Variants in RAB3C observed in about 807,000 individuals in gnomAD.
The protein encoded by RAB3C is ras-related protein Rab-3C.
In RAB3C, 17 loss-of-function variants were observed where a neutral mutation model predicts 26.4. The ratio of observed to expected loss-of-function variants is 0.64; its 90% confidence interval spans 0.44 to 0.97. RAB3C has a LOEUF of 0.97. RAB3C is among the 50% of genes least tolerant of loss of function. The probability of loss-of-function intolerance (pLI) is 0.00; values close to 1 mark genes in which losing one functional copy is unlikely to be tolerated. For missense variants in RAB3C, 242 were observed against 281.9 expected (o/e 0.86, Z 1.01); for synonymous variants, 91 against 95.9 (o/e 0.95, Z 0.30).
chr5:58,727,391 A>T (rs768829353), intron 3 of RAB3C, among the ~76,000 whole-genome samples: 1 of 152,050 alleles, frequency 6.6e-6, no homozygotes, highest in Admixed American at 6.6e-5. Flanking sequence ...ATATGAAAAC[A>T]TAAGTATCTT....
chr5:58,595,334 TG>T, intron 1 of RAB3C, among the ~76,000 whole-genome samples: 1 of 152,160 alleles, frequency 6.6e-6, no homozygotes, highest in East Asian at 1.9e-4. Context: ...GACTGGGCAT[TG>T]TAGGGTATAG....
At chr5:58,773,021 A>G (rs78677414) in intron 3 of RAB3C, among the ~76,000 whole-genome samples, 3,679 of 152,276 alleles carry the variant, frequency 0.024, 157 homozygotes, top group African/African-American at 0.084. Flanking sequence ...CTAGAAGCCT[A>G]CATAGATTCT....
Position 58,852,900 on chromosome 5 carries a change from G to A in RAB3C, c.*1549G>A, listed in dbSNP as rs926591292. 2.0e-5 allele frequency: 3 copies of A among 152,072 alleles called. No homozygotes were observed. The highest frequency in any genetic ancestry group is 4.4e-5 in the Non-Finnish European group (3 of 68,028). The allele number at this position is 152,072 out of a possible 1,614,324, so 9.4% of individuals were successfully genotyped here. On this transcript the variant is annotated 3_prime_UTR_variant, in exon 5 of 5. Coordinates refer to ENST00000282878, the MANE Select transcript of RAB3C (RefSeq NM_138453.4). ...AAAAATAGAGAGGCTTCCCATGAAA[G>A]TATTGGATGCAAATGAAACAGGCAT...
chr5:58,760,258 A>G (rs1013458904), intron 3 of RAB3C, among the ~76,000 whole-genome samples: 5 of 152,132 alleles, frequency 3.3e-5, no homozygotes, highest in African/African-American at 1.2e-4. Context: ...CTTGTTGTCT[A>G]CCATGACCAT....
intron 3 of RAB3C, among the ~76,000 whole-genome samples, chr5:58,766,943 T>C (rs1741921651): frequency 6.6e-6 from 1 of 152,046 alleles, no homozygotes. Flanking sequence ...AAGTGAGAAA[T>C]AGACTTCAAG....
At chr5:58,668,855 T>C (rs1766321677) in intron 2 of RAB3C, among the ~76,000 whole-genome samples, 1 of 152,078 alleles carries the variant, frequency 6.6e-6, no homozygotes, top group Non-Finnish European at 1.5e-5. Context: ...CAAAATACCA[T>C]AGACTGGGTG....
At position 58,852,342 on chromosome 5, in the gene RAB3C, C is replaced by T. The variant is rs1579954207; in HGVS notation, c.*991C>T. 1 of 152,154 alleles carries T rather than the reference C, an allele frequency of 6.6e-6. No homozygotes were observed. The highest frequency in any genetic ancestry group is 2.1e-4 in the South Asian group (1 of 4,816). The allele number at this position is 152,154 out of a possible 1,614,324, so 9.4% of individuals were successfully genotyped here. A position where few individuals can be genotyped will look rare whatever the true frequency, so the allele number is the denominator to read the frequency against. On this transcript the variant is annotated 3_prime_UTR_variant, in exon 5 of 5. Coordinates refer to ENST00000282878, the MANE Select transcript of RAB3C (RefSeq NM_138453.4). ...TGAAGCTTGTTAGGGCTCCTCTTTC[C>T]GTAGGATGTAGACTTGCCTCCCCAA...
At chr5:58,614,934 G>T (rs1191099110) in intron 1 of RAB3C, among the ~76,000 whole-genome samples, 7 of 151,944 alleles carry the variant, frequency 4.6e-5, no homozygotes, top group Non-Finnish European at 8.8e-5. Flanking sequence ...TTTACATTGT[G>T]TTAGGTATTA....
At chr5:58,745,064 T>C (rs1741365980) in intron 3 of RAB3C, among the ~76,000 whole-genome samples, 1 of 152,050 alleles carries the variant, frequency 6.6e-6, no homozygotes, top group Non-Finnish European at 1.5e-5. Flanking sequence ...TGTCACCCTC[T>C]GATTTTTAAA....
intron 2 of RAB3C, among the ~76,000 whole-genome samples, chr5:58,705,032 G>A (rs1748916306): frequency 1.3e-5 from 2 of 152,078 alleles, no homozygotes; most frequent in African/African-American, 4.8e-5. Flanking sequence ...CAATTTCACT[G>A]AAGCAAACAG....
intron 3 of RAB3C, among the ~76,000 whole-genome samples, chr5:58,799,415 T>C (rs1742751776): frequency 1.3e-5 from 2 of 152,116 alleles, no homozygotes; most frequent in African/African-American, 4.8e-5. Context: ...TTTTTCAAAA[T>C]GTAAACCAAG....
intron 3 of RAB3C, among the ~76,000 whole-genome samples, chr5:58,743,507 T>C (rs1579893640): frequency 6.6e-6 from 1 of 152,072 alleles, no homozygotes; most frequent in East Asian, 1.9e-4. Context: ...CAACCCATCA[T>C]CTAGGTTTTA....
intron 2 of RAB3C, among the ~76,000 whole-genome samples, chr5:58,632,663 G>A (rs923429517): frequency 3.9e-5 from 6 of 152,132 alleles, no homozygotes; most frequent in African/African-American, 1.4e-4. Flanking sequence ...CCTATTCTTC[G>A]AGTGGCTGTG....
At chr5:58,646,692 G>T (rs1230168120) in intron 2 of RAB3C, among the ~76,000 whole-genome samples, 3 of 152,116 alleles carry the variant, frequency 2.0e-5, no homozygotes, top group Admixed American at 2.0e-4. Flanking sequence ...TTTGCGTGCT[G>T]CCCAGTTTTG....
chr5:58,746,022 A>G (rs1741395949), intron 3 of RAB3C, among the ~76,000 whole-genome samples: 1 of 152,204 alleles, frequency 6.6e-6, no homozygotes, highest in Non-Finnish European at 1.5e-5. Context: ...CTTTTAGCTG[A>G]CTGCTTTGAT....
intron 1 of RAB3C, among the ~76,000 whole-genome samples, chr5:58,588,643 G>C (rs1746062162): frequency 6.6e-6 from 1 of 151,914 alleles, no homozygotes; most frequent in Non-Finnish European, 1.5e-5. Flanking sequence ...TCTCCCAGTT[G>C]GTGGCTTGTA....
At chr5:58,712,104 C>T (rs1247813921) in intron 2 of RAB3C, among the ~76,000 whole-genome samples, 1 of 152,148 alleles carries the variant, frequency 6.6e-6, no homozygotes, top group Non-Finnish European at 1.5e-5. Context: ...CTGCACCAAC[C>T]GTCCCCGTTC....
chr5:58,713,744 G>A (rs1749110573), intron 2 of RAB3C, among the ~76,000 whole-genome samples: 1 of 152,128 alleles, frequency 6.6e-6, no homozygotes, highest in African/African-American at 2.4e-5. Context: ...AAATTAAACA[G>A]GTGCTAGAGG....
intron 1 of RAB3C, among the ~76,000 whole-genome samples, chr5:58,594,477 A>T (rs1267325803): frequency 6.6e-6 from 1 of 152,192 alleles, no homozygotes; most frequent in Non-Finnish European, 1.5e-5. Context: ...TAGCTTTTGA[A>T]TGGAAAGCAG....
Sources: allele counts gnomAD v4.1 joint callset (sites outside exome capture counted in the v4.1 genomes callset), GRCh38; gene constraint gnomAD v4.1.1; transcripts MANE v1.5; gene names NCBI Gene and HGNC (gene_info 2026-07-23, HGNC 2026-07-21).